The following ACOX3 variants were observed in gnomAD, a reference collection of about 807,000 sequenced individuals.
ACOX3 encodes acyl-CoA oxidase 3, pristanoyl.
In ACOX3, 73 loss-of-function variants were observed where a neutral mutation model predicts 81.5. The observed-to-expected ratio is 0.90, with a 90% CI of 0.74 to 1.09. The LOEUF is 1.09. Among genes scored for constraint, ACOX3 ranks in the 50% least tolerant of loss-of-function variants. The pLI is 0.00. For synonymous variants in ACOX3, 387 were observed against 375.1 expected (o/e 1.03, Z -0.37); for missense variants, 947 against 928.0 (o/e 1.02, Z -0.27).
intron 16 of ACOX3, 120 bp downstream of exon 16, chr4:8,373,441 T>C: frequency 1.9e-6 from 2 of 1,032,864 alleles, no homozygotes; most frequent in Non-Finnish European, 2.9e-6. Flanking sequence ...AGGGGGTGCG[T>C]GTCAGTCTGG....
Position 8,400,050 on chromosome 4 carries a change from C to T in ACOX3, c.777-398G>A, listed in dbSNP as rs1315665742. Among the ~76,000 whole-genome samples the T allele has an allele frequency of 6.6e-6, 1 of 152,050 alleles. No individual in the cohort carries two copies. The highest frequency in any genetic ancestry group is 1.5e-5 in the Non-Finnish European group (1 of 68,016). The stretch of plus-strand genomic sequence containing the variant: ...TCACCTCAGGTCAGGAGTTCGAAAC[C>T]AGCCTGACCAATATGGTGAAACCCC... On this transcript the variant is annotated intron_variant, in intron 7 of 17. Coordinates refer to ENST00000356406, the MANE Select transcript of ACOX3 (RefSeq NM_003501.3). The surrounding 1 kb of genome is among the most constrained non-coding windows in gnomAD (Gnocchi z 4.4).
intron 7 of ACOX3, among the ~76,000 whole-genome samples, chr4:8,402,005 G>C (rs916464792): frequency 1.3e-5 from 2 of 152,228 alleles, no homozygotes; most frequent in Non-Finnish European, 2.9e-5. Flanking sequence ...CCCTCCATGA[G>C]GGGGCCACCG....
At chr4:8,383,072 C>G (rs995642183) in intron 13 of ACOX3, among the ~76,000 whole-genome samples, 2 of 152,082 alleles carry the variant, frequency 1.3e-5, no homozygotes, top group Non-Finnish European at 2.9e-5. Flanking sequence ...GCTGTTACAT[C>G]TGTTCACCCT....
intron 16 of ACOX3, among the ~76,000 whole-genome samples, chr4:8,372,520 G>A (rs569841631): frequency 6.6e-6 from 1 of 152,336 alleles, no homozygotes; most frequent in African/African-American, 2.4e-5. Flanking sequence ...CCCCAAGGGG[G>A]TAAAATTTGG....
In ACOX3 at chr4:8,389,066, G is replaced by T; in HGVS notation, c.1537+107C>A. 1.2e-6 allele frequency: 1 copy of T among 866,480 alleles called. No homozygotes were observed. The highest frequency in any genetic ancestry group is 1.8e-6 in the Non-Finnish European group (1 of 541,486). The allele number at this position is 866,480 out of a possible 1,614,324, so 53.7% of individuals were successfully genotyped here. A position where few individuals can be genotyped will look rare whatever the true frequency, so the allele number is the denominator to read the frequency against. On this transcript the variant is annotated intron_variant, in intron 13 of 17. Coordinates refer to ENST00000356406, the MANE Select transcript of ACOX3 (RefSeq NM_003501.3). The surrounding 1 kb of genome is among the most constrained non-coding windows in gnomAD (Gnocchi z 5.3). ...TGCGGGGCCTCCCACCACCACTGCT[G>T]CCCCGGCTGGAACTGCCAAGGGTCC...
In ACOX3 at chr4:8,375,050, C is replaced by T; in HGVS notation, c.1756G>A (p.Ala586Thr). 2 of 1,554,838 alleles carry T rather than the reference C, an allele frequency of 1.3e-6. No individual in the cohort carries two copies. Among genetic ancestry groups the T allele is most frequent in the Non-Finnish European group, 1.7e-6 (2 of 1,149,020 alleles). The stretch of plus-strand genomic sequence containing the variant: ...AGAGCACTGAGCCGCCCCAGCACGG[C>T]CCGCAGCGAGGGCGGCACGGAAGGC... ...HQPSVPPSLR[A>T]VLGRLSALYA... Residue 586 changes from alanine to threonine, a missense_variant, in exon 15 of 18, where the codon GCC becomes ACC. By Grantham distance (58) the Ala-to-Thr change is moderately conservative (BLOSUM62 0). Coordinates refer to ENST00000356406, the MANE Select transcript of ACOX3 (RefSeq NM_003501.3).
rs1674697828 is a variant in ACOX3, at chr4:8,400,381, G to T, written c.777-729C>A. Among the ~76,000 whole-genome samples the T allele has an allele frequency of 6.6e-6, 1 of 152,142 alleles. No homozygotes were observed. Among genetic ancestry groups the T allele is most frequent in the African/African-American group, 2.4e-5 (1 of 41,416 alleles). On this transcript the variant is annotated intron_variant, in intron 7 of 17. Transcript: ENST00000356406. The surrounding 1 kb of genome is among the most constrained non-coding windows in gnomAD (Gnocchi z 4.4). ...TGTGTTTCCAAAGATTGGAATCTCT[G>T]ATTCTCATATTTCAATCTTAAACCA...
rs1423314423 is a variant in ACOX3, at chr4:8,430,851, C to T, written c.-15+9797G>A. 2.0e-5 allele frequency among the ~76,000 whole-genome samples: 3 copies of T among 152,062 alleles called. No homozygotes were observed. The highest frequency in any genetic ancestry group is 2.9e-5 in the Non-Finnish European group (2 of 68,016). On this transcript the variant is annotated intron_variant, in intron 1 of 17. Coordinates refer to ENST00000356406, the MANE Select transcript of ACOX3 (RefSeq NM_003501.3). The surrounding 1 kb of genome is among the most constrained non-coding windows in gnomAD (Gnocchi z 5.2). ...AGCCTGGGTGACAAGAGTGAAACTCCATCTCAAAAAATAAAAATAAAAATA... is the reference window on the plus strand; with the variant it reads ...AGCCTGGGTGACAAGAGTGAAACTCTATCTCAAAAAATAAAAATAAAAATA...
intron 9 of ACOX3, among the ~76,000 whole-genome samples, chr4:8,396,480 C>T (rs574203741): frequency 3.3e-5 from 5 of 152,058 alleles, no homozygotes; most frequent in South Asian, 4.2e-4. Context: ...AGTTCGAGAC[C>T]GGCCTGGCCA....
chr4:8,421,653 A>AT (rs1722960437), intron 1 of ACOX3, among the ~76,000 whole-genome samples: 2 of 152,226 alleles, frequency 1.3e-5, no homozygotes, highest in South Asian at 2.1e-4. Flanking sequence ...TCTCCCAAGT[A>AT]TTAGAGCAAG....
Position 8,389,581 on chromosome 4 carries a change from G to A in ACOX3, c.1423+31C>T. ...CCACCCCTGCCCCAGTTGGGTTCCA[G>A]CGCCCCCACCAGTGTGCAGCAGAGC... On this transcript the variant is annotated intron_variant, in intron 12 of 17. Coordinates refer to ENST00000356406, the MANE Select transcript of ACOX3 (RefSeq NM_003501.3). The surrounding 1 kb of genome is among the most constrained non-coding windows in gnomAD (Gnocchi z 5.3). 1.2e-6 allele frequency: 2 copies of A among 1,612,610 alleles called. No homozygotes were observed. Among genetic ancestry groups the A allele is most frequent in the South Asian group, 2.2e-5 (2 of 90,962 alleles).
rs1722153917 is a variant in ACOX3 at position 8,414,916 on chromosome 4, C to T, written c.391G>A (p.Ala131Thr). 1 of 1,614,102 alleles carries T rather than the reference C, an allele frequency of 6.2e-7. No individual in the cohort carries two copies. Reference protein sequence around the residue: ...YLLHSLVFGSAVYSSGSERHL... With the variant: ...YLLHSLVFGSTVYSSGSERHL... ...CTTTCAGAACCAGAACTGTAAACTGCTGATCCAAAAACCTGAAAGTATAAC... is the reference window on the plus strand; with the variant it reads ...CTTTCAGAACCAGAACTGTAAACTGTTGATCCAAAAACCTGAAAGTATAAC... Residue 131 changes from alanine to threonine, a missense_variant, in exon 4 of 18, where the codon GCA becomes ACA. Physicochemically the swap from Ala to Thr is moderately conservative, Grantham distance 58. Transcript: ENST00000356406. This position sits in a 1 kb window ranked among gnomAD's most constrained non-coding sequence, Gnocchi z 6.1.
intron 16 of ACOX3, among the ~76,000 whole-genome samples, chr4:8,373,065 A>G (rs1373400146): frequency 1.3e-5 from 2 of 152,304 alleles, no homozygotes; most frequent in South Asian, 4.1e-4. Flanking sequence ...TTCCTGGGTG[A>G]CATAGGTAAA....
chr4:8,415,007 G>A (rs1030541213), intron 3 of ACOX3, 79 bp from the exon 4 acceptor site: 36 of 1,304,110 alleles, frequency 2.8e-5, no homozygotes, highest in South Asian at 2.0e-4. Flanking sequence ...AACAGACAAC[G>A]GCACTCAACA....
chr4:8,394,483 G>T lies in ACOX3; in HGVS notation c.1179+137C>A. 1 of 1,351,448 alleles carries T rather than the reference G, an allele frequency of 7.4e-7. No homozygotes were observed. Among genetic ancestry groups the T allele is most frequent in the Non-Finnish European group, 9.9e-7 (1 of 1,014,586 alleles). The allele number at this position is 1,351,448 out of a possible 1,614,324, so 83.7% of individuals were successfully genotyped here. On this transcript the variant is annotated intron_variant, in intron 10 of 17. Coordinates refer to ENST00000356406, the MANE Select transcript of ACOX3 (RefSeq NM_003501.3). The surrounding 1 kb of genome is among the most constrained non-coding windows in gnomAD (Gnocchi z 5.9). ...GCGGCAGAGGCCAAGAGCTCCGAGTGGGTGGGAACAACTGGAGGAATGCTC... is the reference window on the plus strand; with the variant it reads ...GCGGCAGAGGCCAAGAGCTCCGAGTTGGTGGGAACAACTGGAGGAATGCTC...
At chr4:8,415,005 A>C in intron 3 of ACOX3, 77 bp from the exon 4 acceptor site, 1 of 1,295,352 alleles carries the variant, frequency 7.7e-7, no homozygotes, top group Non-Finnish European at 1.1e-6. Context: ...ACAACAGACA[A>C]CGGCACTCAA....
chr4:8,435,747 C>A (rs1004786267), intron 1 of ACOX3, among the ~76,000 whole-genome samples: 30 of 152,154 alleles, frequency 2.0e-4, no homozygotes, highest in African/African-American at 6.5e-4. Context: ...ACAGCTGCAC[C>A]AGCAGACACA....
At chr4:8,367,325 A>G (rs952750202) in intron 17 of ACOX3, among the ~76,000 whole-genome samples, 2 of 151,978 alleles carry the variant, frequency 1.3e-5, no homozygotes, top group African/African-American at 4.8e-5. Context: ...ACTAAAAAAA[A>G]ATTCAAAATT....
chr4:8,415,062 T>C, intron 3 of ACOX3, 134 bp from the exon 4 acceptor site: 1 of 850,410 alleles, frequency 1.2e-6, no homozygotes. Flanking sequence ...TTCCCCAAGG[T>C]GGAGAACAAG....
Sources: allele counts gnomAD v4.1 joint callset (sites outside exome capture counted in the v4.1 genomes callset), GRCh38; gene constraint gnomAD v4.1.1; non-coding constraint Gnocchi (gnomAD v3.1); transcripts MANE v1.5; gene names NCBI Gene and HGNC (gene_info 2026-07-23, HGNC 2026-07-21).